MCM9: variants seen among roughly 807,000 people sequenced by gnomAD.
MCM9 encodes minichromosome maintenance 9 homologous recombination repair factor.
Under a neutral mutation model 72.8 loss-of-function variants are expected in MCM9, and 55 were observed. The ratio of observed to expected loss-of-function variants is 0.76; its 90% CI spans 0.61 to 0.95. The LOEUF (loss-of-function observed/expected upper bound fraction) is 0.95, where lower values mean the gene tolerates loss of function less well. Among genes scored for constraint, MCM9 ranks in the 40% least tolerant of loss-of-function variants. MCM9 has a pLI of 0.00. For missense variants in MCM9, 1,279 were observed against 1,377.0 expected (o/e 0.93, Z 1.13); for synonymous variants, 480 against 503.4 (o/e 0.95, Z 0.62).
At chr6:118,915,535 G>C (rs1251230228) in intron 6 of MCM9, among the ~76,000 whole-genome samples, 4 of 152,146 alleles carry the variant, frequency 2.6e-5, no homozygotes, top group Non-Finnish European at 5.9e-5. Context: ...AAGGCCCCTA[G>C]GTTCATCCTA....
chr6:118,890,083 C>G (rs1040649097), intron 8 of MCM9, among the ~76,000 whole-genome samples: 1 of 152,136 alleles, frequency 6.6e-6, no homozygotes, highest in Non-Finnish European at 1.5e-5. Flanking sequence ...TGTAGTACCC[C>G]GTGGGGAGCC....
chr6:118,911,874 G>T, intron 7 of MCM9, 105 bp from the exon 8 acceptor site: 2 of 807,582 alleles, frequency 2.5e-6, no homozygotes, highest in East Asian at 2.6e-5. Flanking sequence ...TTTACATAGG[G>T]TCGTTTGAGA....
chr6:118,837,613 C>T (rs1000605200), intron 9 of MCM9, among the ~76,000 whole-genome samples: 1 of 152,086 alleles, frequency 6.6e-6, no homozygotes, highest in Non-Finnish European at 1.5e-5. Flanking sequence ...ATCCCTTTAC[C>T]ATTATGTAGT....
At chr6:118,932,974 C>T (rs1245821464) in intron 1 of MCM9, among the ~76,000 whole-genome samples, 3 of 152,160 alleles carry the variant, frequency 2.0e-5, no homozygotes, top group Non-Finnish European at 4.4e-5. Context: ...AATTCAATGT[C>T]CATTTCCTAA....
At chr6:118,821,322 G>T (rs1178342024) in intron 13 of MCM9, among the ~76,000 whole-genome samples, 1 of 152,092 alleles carries the variant, frequency 6.6e-6, no homozygotes, top group Non-Finnish European at 1.5e-5. Flanking sequence ...AGGCCTGCTG[G>T]TTACAAAATA....
intron 8 of MCM9, among the ~76,000 whole-genome samples, chr6:118,873,052 G>A (rs1180389884): frequency 6.6e-6 from 1 of 151,378 alleles, no homozygotes. Context: ...CACACCTGTA[G>A]TGTCAGCTAC....
intron 8 of MCM9, among the ~76,000 whole-genome samples, chr6:118,856,839 C>A (rs1776584696): frequency 6.6e-6 from 1 of 152,158 alleles, no homozygotes; most frequent in Non-Finnish European, 1.5e-5. Context: ...CATATTAGAG[C>A]CACTACACTC....
intron 8 of MCM9, among the ~76,000 whole-genome samples, chr6:118,865,773 C>A (rs1160957155): frequency 1.3e-5 from 2 of 152,194 alleles, no homozygotes; most frequent in Non-Finnish European, 2.9e-5. Flanking sequence ...ATAACTTCCA[C>A]CCAAGGTAAT....
intron 1 of MCM9, among the ~76,000 whole-genome samples, chr6:118,933,791 C>T (rs1054532134): frequency 1.3e-5 from 2 of 152,018 alleles, no homozygotes; most frequent in African/African-American, 4.8e-5. Context: ...ATCCTGACCA[C>T]TATAGGAGGC....
chr6:118,911,324 C>G (rs913296436), intron 8 of MCM9: 1 of 1,042,874 alleles, frequency 9.6e-7, no homozygotes, highest in Non-Finnish European at 1.2e-6. Flanking sequence ...AAATATCCCC[C>G]TCTTTAGTTT....
At chr6:118,837,319 T>C (rs1394031904) in intron 9 of MCM9, among the ~76,000 whole-genome samples, 2 of 152,224 alleles carry the variant, frequency 1.3e-5, no homozygotes, top group African/African-American at 4.8e-5. Flanking sequence ...AAGTGCTATG[T>C]GGTGCTGAGA....
intron 8 of MCM9, among the ~76,000 whole-genome samples, chr6:118,909,339 A>T (rs1780374538): frequency 6.6e-6 from 1 of 152,166 alleles, no homozygotes; most frequent in Non-Finnish European, 1.5e-5. Flanking sequence ...TCAAGTTGTA[A>T]ATGGACAACC....
chr6:118,845,519 A>T (rs1326340472), intron 9 of MCM9, among the ~76,000 whole-genome samples: 1 of 151,810 alleles, frequency 6.6e-6, no homozygotes, highest in Non-Finnish European at 1.5e-5. Flanking sequence ...GAGCTCTTTT[A>T]AAAAAATTTT....
At chr6:118,870,635 T>C (rs1777541093) in intron 8 of MCM9, among the ~76,000 whole-genome samples, 1 of 151,082 alleles carries the variant, frequency 6.6e-6, no homozygotes. Flanking sequence ...ATAACAAATA[T>C]CAGAGCAGAA....
At chr6:118,933,300 C>A (rs942587015) in intron 1 of MCM9, among the ~76,000 whole-genome samples, 1 of 151,890 alleles carries the variant, frequency 6.6e-6, no homozygotes, top group Non-Finnish European at 1.5e-5. Flanking sequence ...GAGATCGAGA[C>A]CATCCTGGCT....
At chr6:118,862,631 C>T (rs1282312307) in intron 8 of MCM9, among the ~76,000 whole-genome samples, 1 of 152,128 alleles carries the variant, frequency 6.6e-6, no homozygotes, top group African/African-American at 2.4e-5. Context: ...ACTGATCTGA[C>T]AGGAGGCAGA....
chr6:118,925,535 T>G (rs549157934), intron 3 of MCM9, among the ~76,000 whole-genome samples: 7 of 152,336 alleles, frequency 4.6e-5, no homozygotes, highest in African/African-American at 1.4e-4. Flanking sequence ...GTTACAAGTC[T>G]ACAGATAGAC....
At chr6:118,872,579 T>C (rs371166437) in intron 8 of MCM9, among the ~76,000 whole-genome samples, 2 of 151,918 alleles carry the variant, frequency 1.3e-5, no homozygotes, top group South Asian at 2.1e-4. Context: ...GCCTGGAGGA[T>C]AGCAACTATA....
At chr6:118,872,399 A>C (rs971127527) in intron 8 of MCM9, among the ~76,000 whole-genome samples, 10 of 152,172 alleles carry the variant, frequency 6.6e-5, no homozygotes, top group Non-Finnish European at 1.0e-4. Flanking sequence ...AGTTCTAAAT[A>C]ACACATGGTT....
Sources: allele counts gnomAD v4.1 joint callset (sites outside exome capture counted in the v4.1 genomes callset), GRCh38; gene constraint gnomAD v4.1.1; transcripts MANE v1.5; gene names NCBI Gene and HGNC (gene_info 2026-07-23, HGNC 2026-07-21).